GPC5: variants seen among roughly 807,000 people sequenced by gnomAD.
GPC5 encodes the protein glypican 5.
In GPC5, 47 loss-of-function variants were observed where a neutral mutation model predicts 53.9. The ratio of observed to expected loss-of-function variants is 0.87; its 90% CI spans 0.69 to 1.11. GPC5 has a LOEUF of 1.11. Among genes scored for constraint, GPC5 ranks in the 50% most tolerant of loss-of-function variants. GPC5 has a pLI of 0.00. For synonymous variants in GPC5, 286 were observed against 263.3 expected (o/e 1.09, Z -0.84); for missense variants, 748 against 713.1 (o/e 1.05, Z -0.56).
chr13:92,023,770 T>C (rs2040778949), intron 6 of GPC5, among the ~76,000 whole-genome samples: 1 of 152,046 alleles, frequency 6.6e-6, no homozygotes, highest in Non-Finnish European at 1.5e-5. Context: ...TTGATCTATT[T>C]AGTATCCTCA....
At chr13:92,641,055 C>T (rs979460223) in intron 7 of GPC5, among the ~76,000 whole-genome samples, 5 of 152,026 alleles carry the variant, frequency 3.3e-5, no homozygotes, top group Non-Finnish European at 7.4e-5. Context: ...AGAAATATCA[C>T]GAGAATACTT....
At chr13:92,480,250 CA>C in intron 7 of GPC5, among the ~76,000 whole-genome samples, 1 of 152,226 alleles carries the variant, frequency 6.6e-6, no homozygotes, top group South Asian at 2.1e-4. Flanking sequence ...GTATGGAGTT[CA>C]GTGCAGAGAG....
In GPC5 at chr13:91,489,992, G is replaced by T. The variant is rs550530114; in HGVS notation, c.325+41070G>T. ...GCGGAGGGGGGAGTGAGTCACCTAG[G>T]TTGCACCTAGTGCAACTCCTTTTGT... On this transcript the variant is annotated intron_variant, in intron 2 of 7. Transcript: ENST00000377067. 6.6e-5 allele frequency among the ~76,000 whole-genome samples: 10 copies of T among 152,178 alleles called. No individual in the cohort carries two copies. The East Asian group carries it at 1.9e-3, about 29-fold the overall frequency.
At chr13:92,102,759 T>G (rs1455522249) in intron 6 of GPC5, among the ~76,000 whole-genome samples, 1 of 152,160 alleles carries the variant, frequency 6.6e-6, no homozygotes, top group Non-Finnish European at 1.5e-5. Context: ...TAGGGTTGTG[T>G]CATGAACTTC....
chr13:92,286,770 G>T lies in GPC5; in HGVS notation c.1561+141781G>T, dbSNP rs1023654100. Reference sequence around the variant, plus strand: ...GGAGGGGGGAGGGATAGCAGTAGGAGAGATACCTAATGTAAATGATGAGTT... The same window carrying T: ...GGAGGGGGGAGGGATAGCAGTAGGATAGATACCTAATGTAAATGATGAGTT... On this transcript the variant is annotated intron_variant, in intron 7 of 7. Transcript: ENST00000377067. Among the ~76,000 whole-genome samples the T allele has an allele frequency of 3.3e-5, 5 of 151,870 alleles. No homozygotes were observed. In the South Asian group the frequency reaches 6.2e-4, roughly 19 times the overall value.
chr13:92,710,888 TG>T (rs1888114407), intron 7 of GPC5, among the ~76,000 whole-genome samples: 2 of 152,202 alleles, frequency 1.3e-5, no homozygotes, highest in African/African-American at 4.8e-5. Flanking sequence ...ATGAATTTGT[TG>T]AAAATATAAG....
chr13:91,924,208 C>G (rs773689753), intron 6 of GPC5, among the ~76,000 whole-genome samples: 4 of 152,182 alleles, frequency 2.6e-5, no homozygotes, highest in Non-Finnish European at 5.9e-5. Context: ...ACAAACATAT[C>G]AAAGCAAGTT....
intron 7 of GPC5, among the ~76,000 whole-genome samples, chr13:92,553,758 T>A (rs1882399237): frequency 6.6e-6 from 1 of 151,982 alleles, no homozygotes. Flanking sequence ...CTCTAGTTTC[T>A]TCAACTTTAT....
At chr13:92,507,838 AT>A (rs955192480) in intron 7 of GPC5, among the ~76,000 whole-genome samples, 21 of 150,758 alleles carry the variant, frequency 1.4e-4, no homozygotes, top group Non-Finnish European at 1.5e-4. Context: ...GGTTTACCTT[AT>A]TTTTTTTTGC....
chr13:92,668,532 A>G (rs1047902921), intron 7 of GPC5, among the ~76,000 whole-genome samples: 1 of 152,148 alleles, frequency 6.6e-6, no homozygotes, highest in African/African-American at 2.4e-5. Flanking sequence ...TTAATGCTAA[A>G]ATTGCCTGTG....
intron 7 of GPC5, among the ~76,000 whole-genome samples, chr13:92,527,247 AAGAGAAAGAAAGAAAG>A (rs1444487988): frequency 0.016 from 464 of 28,812 alleles, 22 homozygotes; most frequent in African/African-American, 0.052. Context: ...GAAAGAAAGA[AAGAGAAAGAAAGAAAG>A]AAAGAAAGAA....
At position 92,348,526 on chromosome 13, in the gene GPC5, A is replaced by G. The variant is rs187811827; in HGVS notation, c.1561+203537A>G. Among the ~76,000 whole-genome samples, 6 of 152,302 alleles carry G rather than the reference A, an allele frequency of 3.9e-5. No homozygotes were observed. In the East Asian group the frequency reaches 9.7e-4, roughly 25 times the overall value. ...TTTTAACAATGGACTGATTATTCAT[A>G]CAGAAAATTAATAAGAAAACATCGA... On this transcript the variant is annotated intron_variant, in intron 7 of 7. Transcript: ENST00000377067.
At chr13:92,518,930 G>T (rs1880909528) in intron 7 of GPC5, among the ~76,000 whole-genome samples, 2 of 152,082 alleles carry the variant, frequency 1.3e-5, no homozygotes, top group African/African-American at 2.4e-5. Flanking sequence ...AGGGCTGGAG[G>T]AATATCTACC....
chr13:92,393,066 T>C (rs575593556), intron 7 of GPC5, among the ~76,000 whole-genome samples: 1 of 152,280 alleles, frequency 6.6e-6, no homozygotes, highest in Non-Finnish European at 1.5e-5. Flanking sequence ...CCCAGAGGAA[T>C]ATAAATCATT....
At position 91,878,516 on chromosome 13, in the gene GPC5, G is replaced by A. The variant is rs149585869; in HGVS notation, c.1281-29421G>A. 1.4e-4 allele frequency among the ~76,000 whole-genome samples: 22 copies of A among 152,150 alleles called. No individual in the cohort carries two copies. The East Asian group carries it at 1.7e-3, about 12-fold the overall frequency. ...TAATTGAGTGATATGGTTTGGCTGC[G>A]TCTCCCACCCAAATCTCATCTTGAA... On this transcript the variant is annotated intron_variant, in intron 5 of 7. Coordinates refer to ENST00000377067, the MANE Select transcript of GPC5 (RefSeq NM_004466.6).
intron 2 of GPC5, among the ~76,000 whole-genome samples, chr13:91,572,544 T>A (rs9301740): frequency 0.47 from 71,523 of 151,430 alleles, 18,732 homozygotes; most frequent in African/African-American, 0.72. Context: ...TGAGAGAGAG[T>A]GAGCAAGAGA....
chr13:91,408,675 ATGT>A (rs1329119587), intron 1 of GPC5, among the ~76,000 whole-genome samples: 1 of 152,166 alleles, frequency 6.6e-6, no homozygotes, highest in Admixed American at 6.5e-5. Flanking sequence ...TATGTTTCAA[ATGT>A]TGTTGTATTT....
chr13:91,733,680 T>C (rs1354158781), intron 4 of GPC5, among the ~76,000 whole-genome samples: 1 of 152,228 alleles, frequency 6.6e-6, no homozygotes, highest in East Asian at 1.9e-4. Flanking sequence ...AATGATTTTT[T>C]TATCCTGAGA....
chr13:91,850,829 T>C (rs2038905268), intron 5 of GPC5, among the ~76,000 whole-genome samples: 1 of 152,218 alleles, frequency 6.6e-6, no homozygotes, highest in African/African-American at 2.4e-5. Context: ...GGTTGTTTTG[T>C]GTTATTTGCA....
Sources: gnomAD v4.1 joint callset for allele counts (sites outside exome capture counted in the v4.1 genomes callset) on GRCh38, gnomAD v4.1.1 for gene constraint, MANE v1.5 for transcripts, NCBI Gene and HGNC (gene_info 2026-07-23, HGNC 2026-07-21) for gene names.